Variants in NPSR1 observed in about 807,000 individuals in gnomAD.
The protein encoded by NPSR1 is neuropeptide S receptor 1, also known as neuropeptide S receptor.
NPSR1 carries 48 observed loss-of-function variants against 46.9 expected under a neutral mutation model. The observed-to-expected ratio is 1.02, with a 90% CI of 0.81 to 1.30. NPSR1 has a LOEUF of 1.30. NPSR1 is among the 50% of genes most tolerant of loss of function. The pLI is 0.00. For synonymous variants in NPSR1, 176 were observed against 168.1 expected (o/e 1.05, Z -0.36); for missense variants, 450 against 449.5 (o/e 1.00, Z -0.01).
intron 2 of NPSR1, among the ~76,000 whole-genome samples, chr7:34,772,041 T>G (rs933759916): frequency 6.6e-5 from 10 of 152,186 alleles, no homozygotes; most frequent in Non-Finnish European, 1.2e-4. Context: ...TCTGTACCAT[T>G]TATTGTAACA....
chr7:34,815,858 A>G (rs913669576), intron 4 of NPSR1, among the ~76,000 whole-genome samples: 2 of 152,166 alleles, frequency 1.3e-5, no homozygotes, highest in Non-Finnish European at 2.9e-5. Flanking sequence ...TTACAGAAAA[A>G]CAAATGCTGA....
chr7:34,710,550 T>C (rs935504278), intron 2 of NPSR1, among the ~76,000 whole-genome samples: 1 of 151,972 alleles, frequency 6.6e-6, no homozygotes, highest in Non-Finnish European at 1.5e-5. Flanking sequence ...CCCACAGAGA[T>C]AGGTGGGGAA....
downstream of NPSR1, among the ~76,000 whole-genome samples, chr7:34,854,487 T>C (rs1045818870): frequency 2.0e-5 from 3 of 152,166 alleles, no homozygotes; most frequent in African/African-American, 7.2e-5. Flanking sequence ...CCATGGAAAC[T>C]GTAGCTAAAA....
intron 3 of NPSR1, among the ~76,000 whole-genome samples, chr7:34,793,621 G>A (rs1398344473): frequency 2.0e-5 from 3 of 152,050 alleles, no homozygotes; most frequent in Non-Finnish European, 4.4e-5. Flanking sequence ...TATTGTTGGT[G>A]GGAATGTAAA....
At chr7:34,811,420 T>A (rs543630587) in intron 3 of NPSR1, among the ~76,000 whole-genome samples, 2 of 152,196 alleles carry the variant, frequency 1.3e-5, no homozygotes, top group South Asian at 2.1e-4. Context: ...ATTCGTCTGC[T>A]CATCTCCTCC....
intron 3 of NPSR1, among the ~76,000 whole-genome samples, chr7:34,786,294 T>C (rs1787464467): frequency 6.6e-6 from 1 of 152,182 alleles, no homozygotes; most frequent in South Asian, 2.1e-4. Context: ...TCATCCATAA[T>C]AAGCAATTCC....
At chr7:34,866,746 G>T (rs1297816855) in intron 8 of NPSR1, among the ~76,000 whole-genome samples, 1 of 151,628 alleles carries the variant, frequency 6.6e-6, no homozygotes, top group Non-Finnish European at 1.5e-5. Context: ...TTGCACTCTA[G>T]GGAAAAGGAG....
intron 3 of NPSR1, among the ~76,000 whole-genome samples, chr7:34,784,735 G>C (rs1026982551): frequency 3.5e-4 from 53 of 152,098 alleles, no homozygotes; most frequent in Non-Finnish European, 5.3e-4. Context: ...TTTTTCTATT[G>C]ATTGGAATAG....
chr7:34,754,746 A>G (rs764898369), intron 2 of NPSR1, among the ~76,000 whole-genome samples: 26 of 152,314 alleles, frequency 1.7e-4, no homozygotes, highest in Non-Finnish European at 3.7e-4. Context: ...AAATATTTTC[A>G]TCACCTCAAA....
At chr7:34,666,475 G>A (rs1314653047) in intron 1 of NPSR1, among the ~76,000 whole-genome samples, 1 of 152,130 alleles carries the variant, frequency 6.6e-6, no homozygotes, top group African/African-American at 2.4e-5. Context: ...GAAAGATATT[G>A]CTGGCATTCT....
At chr7:34,686,161 C>T (rs1335069529) in intron 2 of NPSR1, 1 of 151,266 alleles carries the variant, frequency 6.6e-6, no homozygotes, top group Non-Finnish European at 1.5e-5. Context: ...AAATTCACTA[C>T]ATATTATCAA....
intron 3 of NPSR1, among the ~76,000 whole-genome samples, chr7:34,782,667 G>C (rs185147728): frequency 1.3e-5 from 2 of 151,748 alleles, no homozygotes; most frequent in Admixed American, 1.3e-4. Context: ...CCCTTATATT[G>C]ATGTGTGTGC....
At chr7:34,834,260 C>A in intron 5 of NPSR1, 124 bp from the exon 6 acceptor site, 1 of 724,802 alleles carries the variant, frequency 1.4e-6, no homozygotes, top group Non-Finnish European at 2.5e-6. Flanking sequence ...TATAAGGGGG[C>A]AGGCATGGTT....
chr7:34,848,292 T>C (rs1194080094), intron 7 of NPSR1, among the ~76,000 whole-genome samples, 191 bp from the exon 8 acceptor site: 1 of 152,216 alleles, frequency 6.6e-6, no homozygotes, highest in Admixed American at 6.5e-5. Flanking sequence ...GTCTGTAAGA[T>C]GTGTCCATAT....
intron 1 of NPSR1, among the ~76,000 whole-genome samples, chr7:34,670,885 G>A (rs908478904): frequency 5.3e-5 from 8 of 152,004 alleles, no homozygotes; most frequent in African/African-American, 1.7e-4. Flanking sequence ...AACTGTTTGT[G>A]GGAGAGTAAA....
At chr7:34,866,257 C>G (rs900926694) in intron 8 of NPSR1, among the ~76,000 whole-genome samples, 4 of 151,618 alleles carry the variant, frequency 2.6e-5, no homozygotes, top group Admixed American at 1.3e-4. Context: ...AATTGAAACC[C>G]AAAGTTCATG....
In NPSR1 at chr7:34,811,802, G is replaced by T; in HGVS notation, c.417G>T (p.Leu139=). 6.2e-7 allele frequency: 1 copy of T among 1,613,244 alleles called. No homozygotes were observed. The highest frequency in any genetic ancestry group is 8.5e-7 in the Non-Finnish European group (1 of 1,179,672). ...TGCTCTACGCCTCTACCTACGTCCT[G>T]GTGTCCCTCAGCATAGACAGATACC... is the stretch of plus-strand genomic sequence containing the variant. The part of the protein sequence containing the change: ...VVLLYASTYV[L]VSLSIDRYHA... The change falls in exon 4 of 9, where the codon CTG becomes CTT. Residue 139 remains leucine (L), a synonymous_variant. Transcript: ENST00000360581.
chr7:34,687,484 G>A (rs192219410), intron 2 of NPSR1, among the ~76,000 whole-genome samples: 4 of 152,302 alleles, frequency 2.6e-5, no homozygotes, highest in Admixed American at 2.6e-4. Flanking sequence ...AGGCAAAGGA[G>A]AAGCAGGTAC....
intron 4 of NPSR1, among the ~76,000 whole-genome samples, chr7:34,825,819 C>A (rs1789804534): frequency 6.6e-6 from 1 of 152,140 alleles, no homozygotes; most frequent in Non-Finnish European, 1.5e-5. Context: ...GTTCCCTGTA[C>A]CCCAGCTCCA....
Sources: gnomAD v4.1 joint callset for allele counts (sites outside exome capture counted in the v4.1 genomes callset) on GRCh38, gnomAD v4.1.1 for gene constraint, MANE v1.5 for transcripts, NCBI Gene and HGNC (gene_info 2026-07-23, HGNC 2026-07-21) for gene names.